The following AMPD3 variants were observed in gnomAD, a reference collection of about 807,000 sequenced individuals.
AMPD3 encodes the protein AMP deaminase 3.
A neutral mutation model predicts 82.3 loss-of-function variants in AMPD3; 57 were observed. The ratio of observed to expected loss-of-function variants is 0.69; its 90% CI spans 0.56 to 0.86. The LOEUF is 0.86. Among genes scored for constraint, AMPD3 ranks in the 40% least tolerant of loss-of-function variants. The probability of loss-of-function intolerance (pLI) is 0.00; values close to 1 mark genes in which losing one functional copy is unlikely to be tolerated. For synonymous variants in AMPD3, 381 were observed against 394.7 expected (o/e 0.97, Z 0.41); for missense variants, 870 against 1,003.8 (o/e 0.87, Z 1.80).
chr11:10,462,944 C>G (rs1278885457), intron 2 of AMPD3, among the ~76,000 whole-genome samples: 1 of 152,144 alleles, frequency 6.6e-6, no homozygotes, highest in Non-Finnish European at 1.5e-5. Flanking sequence ...GTGCTGTGAC[C>G]AGGGCTGGAG....
At position 10,478,721 on chromosome 11, in the gene AMPD3, C is replaced by T; in HGVS notation, c.417C>T (p.Tyr139=). Residue 139 remains tyrosine, a synonymous_variant, in exon 3 of 15, where the codon TAC becomes TAT. Transcript: ENST00000396553. ...AGCGGGTCACCATCAGCGGAGATTA[C>T]TGTGCCGGGGTAAGGCGTCTGTGAG... ...EFQRVTISGD[Y]CAGITLEDYE... The T allele has an allele frequency of 1.2e-6, 2 of 1,612,758 alleles. No individual in the cohort carries two copies. Among genetic ancestry groups the T allele is most frequent in the Middle Eastern group, 1.7e-4 (1 of 6,060 alleles).
rs138890515 is a variant in AMPD3, at chr11:10,457,856, C to G, written c.-6+2408C>G. ...GCTGCAGTAAGCTGTGATTGTGCCA[C>G]TGCACTCCAGCCTGGGCAACTGAGA... On this transcript the variant is annotated intron_variant, in intron 1 of 14. Transcript: ENST00000396553. Among the ~76,000 whole-genome samples, 390 of 152,306 alleles carry G rather than the reference C, an allele frequency of 2.6e-3. 2 individuals are homozygous for G. The highest frequency in any genetic ancestry group is 8.9e-3 in the African/African-American group (369 of 41,548).
chr11:10,461,620 G>A lies in AMPD3; in HGVS notation c.101G>A (p.Ser34Asn). 1 of 1,614,268 alleles carries A rather than the reference G, an allele frequency of 6.2e-7. No individual in the cohort carries two copies. The highest frequency in any genetic ancestry group is 8.5e-7 in the Non-Finnish European group (1 of 1,180,054). ...VFAKVLREED[S>N]KDALSLFTVP... ...GCTAAAGTGCTCCGAGAAGAGGACA[G>A]CAAAGATGCCCTGTCCCTGTTCACT... Residue 34 changes from serine to asparagine, a missense_variant, in exon 2 of 15, where the codon AGC becomes AAC. Transcript: ENST00000396553.
chr11:10,450,843 C>T (rs1847941325), upstream of AMPD3: 2 of 1,199,312 alleles, frequency 1.7e-6, no homozygotes, highest in East Asian at 7.3e-5. Flanking sequence ...CCGCGGGGCC[C>T]TCCTGGCCGG....
chr11:10,502,270 C>T, intron 12 of AMPD3: 13 of 985,440 alleles, frequency 1.3e-5, no homozygotes, highest in Non-Finnish European at 1.6e-5. Flanking sequence ...AGGTCCACCC[C>T]TCCCATCCCT....
chr11:10,471,164 C>T (rs112152343), intron 2 of AMPD3, among the ~76,000 whole-genome samples: 18,212 of 152,184 alleles, frequency 0.12, 1,136 homozygotes, highest in Non-Finnish European at 0.14. Context: ...CACCACACAT[C>T]TACAATCATC....
At chr11:10,480,833 G>T (rs1265014471) in intron 3 of AMPD3, among the ~76,000 whole-genome samples, 2 of 152,164 alleles carry the variant, frequency 1.3e-5, no homozygotes, top group African/African-American at 4.8e-5. Context: ...TCCCCACTCT[G>T]GGCTATGCCA....
intron 10 of AMPD3, 21 bp downstream of exon 10, chr11:10,496,959 A>G: frequency 6.2e-7 from 1 of 1,613,618 alleles, no homozygotes; most frequent in Non-Finnish European, 8.5e-7. Flanking sequence ...GTGGTGCCCT[A>G]GGCAGGGCTC....
In AMPD3 at chr11:10,471,587, G is replaced by T. The variant is rs1848591242; in HGVS notation, c.222-6939G>T. Reference sequence around the variant, plus strand: ...AGGGCTAATGTCCAGAATCTACAAAGAACTTAAACAAATTTACAAGAAAAC... The same window carrying T: ...AGGGCTAATGTCCAGAATCTACAAATAACTTAAACAAATTTACAAGAAAAC... On this transcript the variant is annotated intron_variant, in intron 2 of 14. Coordinates refer to ENST00000396553, the MANE Select transcript of AMPD3 (RefSeq NM_001025389.2). Among the ~76,000 whole-genome samples the T allele has an allele frequency of 5.9e-5, 9 of 152,276 alleles. No individual in the cohort carries two copies. The South Asian group carries it at 1.9e-3, about 32-fold the overall frequency.
At chr11:10,467,530 A>G (rs1437803576) in intron 2 of AMPD3, among the ~76,000 whole-genome samples, 1 of 152,198 alleles carries the variant, frequency 6.6e-6, no homozygotes, top group African/African-American at 2.4e-5. Context: ...CAAAGACCAA[A>G]CCTACGTTTG....
At chr11:10,482,273 G>T in intron 4 of AMPD3, 48 bp downstream of exon 4, 1 of 1,598,772 alleles carries the variant, frequency 6.3e-7, no homozygotes, top group Non-Finnish European at 8.5e-7. Context: ...GGCAGACCGA[G>T]AGCTAGTCAG....
chr11:10,486,318 G>A (rs1339307519), intron 5 of AMPD3, among the ~76,000 whole-genome samples: 4 of 152,192 alleles, frequency 2.6e-5, no homozygotes, highest in Non-Finnish European at 4.4e-5. Flanking sequence ...GGAAGTCTAC[G>A]TGATTAGATG....
rs1376057493 is a variant in AMPD3, at chr11:10,506,576, G to A, written c.*692G>A. On this transcript the variant is annotated 3_prime_UTR_variant, in exon 15 of 15. Transcript: ENST00000396553. This position sits in a 1 kb window ranked among gnomAD's most constrained non-coding sequence, Gnocchi z 4.1. ...TGAATCTCCTCATGAATACTTTAGGGTAGGGGAGGGAAGGGAGTGAGTGAT... is the reference window on the plus strand; with the variant it reads ...TGAATCTCCTCATGAATACTTTAGGATAGGGGAGGGAAGGGAGTGAGTGAT... 6.5e-6 allele frequency: 1 copy of A among 153,766 alleles called. No individual in the cohort carries two copies. The highest frequency in any genetic ancestry group is 1.5e-5 in the Non-Finnish European group (1 of 68,908). 9.5% of individuals were successfully genotyped at this position (153,766 alleles called of 1,614,324 possible).
At chr11:10,469,347 A>G (rs938395247) in intron 2 of AMPD3, among the ~76,000 whole-genome samples, 4 of 152,248 alleles carry the variant, frequency 2.6e-5, no homozygotes, top group Non-Finnish European at 5.9e-5. Context: ...ACAGACTACC[A>G]TCGGAGAATA....
At chr11:10,482,399 T>G (rs1308269863) in intron 4 of AMPD3, among the ~76,000 whole-genome samples, 174 bp downstream of exon 4, 1 of 152,268 alleles carries the variant, frequency 6.6e-6, no homozygotes, top group Non-Finnish European at 1.5e-5. Flanking sequence ...ATTCTATGTG[T>G]ACTGTATGCC....
At chr11:10,501,021 T>A (rs1430102858) in intron 11 of AMPD3, 1 of 985,266 alleles carries the variant, frequency 1.0e-6, no homozygotes, top group Non-Finnish European at 1.2e-6. Flanking sequence ...GCTGAGCTTT[T>A]GGAGATGGGG....
chr11:10,461,211 G>T, intron 1 of AMPD3: 2 of 1,266,910 alleles, frequency 1.6e-6, no homozygotes, highest in Non-Finnish European at 1.0e-6. Flanking sequence ...CAGGAGGGCA[G>T]GGCTGCCAGG....
upstream of AMPD3, chr11:10,450,615 G>C: frequency 1.0e-5 from 10 of 993,398 alleles, no homozygotes; most frequent in Non-Finnish European, 1.2e-5. Context: ...GCTGCGGCGC[G>C]GGCCCCGCGG....
rs1195221408 is a variant in AMPD3, at chr11:10,495,742, G to A, written c.1430+9G>A. On this transcript the variant is annotated intron_variant, in intron 9 of 14. Transcript: ENST00000396553. ...CAGGTGCCCCGGATTTAGTAAGTGA[G>A]GTGGCCCGCTGTCTACCCTGTGCCC... is the stretch of plus-strand genomic sequence containing the variant. 1 of 1,613,972 alleles carries A rather than the reference G, an allele frequency of 6.2e-7. No homozygotes were observed. The highest frequency in any genetic ancestry group is 1.1e-5 in the South Asian group (1 of 91,066).
Sources: allele counts gnomAD v4.1 joint callset (sites outside exome capture counted in the v4.1 genomes callset), GRCh38; gene constraint gnomAD v4.1.1; non-coding constraint Gnocchi (gnomAD v3.1); transcripts MANE v1.5; gene names NCBI Gene and HGNC (gene_info 2026-07-23, HGNC 2026-07-21).